OR10R2: variants seen among roughly 807,000 people sequenced by gnomAD.
OR10R2 encodes olfactory receptor 10R2.
Under a neutral mutation model 2.4 loss-of-function variants are expected in OR10R2, and 1 was observed. That is an observed-to-expected ratio of 0.41 (90% CI 0.15 to 1.95). OR10R2 has a LOEUF of 1.95. Ranked by LOEUF, OR10R2 falls within the 30% of genes most tolerant of loss-of-function variation. The pLI, the probability that OR10R2 is intolerant of heterozygous loss-of-function variation, is 0.30. For synonymous variants in OR10R2, 166 were observed against 144.8 expected (o/e 1.15, Z -1.05); for missense variants, 419 against 373.0 (o/e 1.12, Z -1.01).
chr1:158,472,703 A>G lies in OR10R2; in HGVS notation c.27+351A>G, dbSNP rs541637927. On this transcript the variant is annotated intron_variant, in intron 1 of 1. Transcript: ENST00000641067. ...TGAGATTTTCTTCAAATTGCAGTCT[A>G]CAAATACGTGACAGCAAAGGATTGG... 1.9e-4 allele frequency among the ~76,000 whole-genome samples: 29 copies of G among 152,344 alleles called. No homozygotes were observed. In the South Asian group the frequency reaches 6.0e-3, roughly 32 times the overall value.
chr1:158,476,317 G>A (rs1013321052), intron 1 of OR10R2, among the ~76,000 whole-genome samples: 2 of 151,954 alleles, frequency 1.3e-5, no homozygotes, highest in African/African-American at 4.8e-5. Context: ...GGAGTCCGAG[G>A]TGGGCAGATC....
intron 1 of OR10R2, chr1:158,474,593 G>C (rs36123399): frequency 6.6e-6 from 1 of 152,032 alleles, no homozygotes; most frequent in African/African-American, 2.4e-5. Context: ...GAAAAAGAAA[G>C]TTCATTCTCC....
exon 1 of OR10R2, chr1:158,472,268 G>C (rs1011043636): frequency 1.0e-5 from 4 of 398,742 alleles, no homozygotes; most frequent in East Asian, 3.6e-5. Flanking sequence ...CAGAAAAAAA[G>C]CTCCTTAATT....
At chr1:158,474,304 C>A (rs1488971937) in intron 1 of OR10R2, 1 of 152,120 alleles carries the variant, frequency 6.6e-6, no homozygotes, top group Non-Finnish European at 1.5e-5. Flanking sequence ...TAATCTCCTC[C>A]AATTGCCCTT....
chr1:158,473,968 TC>T (rs1656220076), intron 1 of OR10R2, among the ~76,000 whole-genome samples: 2 of 150,880 alleles, frequency 1.3e-5, no homozygotes, highest in African/African-American at 4.9e-5. Context: ...TCTTTCTTTT[TC>T]TTTTCTTTCT....
At chr1:158,480,224 G>A (rs754115170) in exon 2 of OR10R2, 1 of 1,613,960 alleles carries the variant, frequency 6.2e-7, no homozygotes, top group South Asian at 1.1e-5. Context: ...TCCTTCAACT[G>A]TTGTGCTCTT....
In OR10R2 at chr1:158,479,926, C is replaced by T. The variant is rs906660981; in HGVS notation, c.28-12C>T. The T allele has an allele frequency of 3.7e-6, 6 of 1,613,654 alleles. No individual in the cohort carries two copies. The highest frequency in any genetic ancestry group is 5.1e-6 in the Non-Finnish European group (6 of 1,179,694). On this transcript the variant is annotated splice_polypyrimidine_tract_variant and intron_variant, in intron 1 of 1. Transcript: ENST00000641067. Reference sequence around the variant, plus strand: ...ATACCTGAATATGTTTTACTTCTTTCCCCCTTTGCAGATCTTGGCAGAAAA... The same window carrying T: ...ATACCTGAATATGTTTTACTTCTTTTCCCCTTTGCAGATCTTGGCAGAAAA...
chr1:158,474,511 C>T (rs1256457083), intron 1 of OR10R2: 2 of 152,082 alleles, frequency 1.3e-5, no homozygotes, highest in Admixed American at 1.3e-4. Flanking sequence ...TCTTAAGATT[C>T]CATAGTTCTG....
intron 1 of OR10R2, among the ~76,000 whole-genome samples, chr1:158,473,091 A>T (rs111241120): frequency 1.3e-5 from 2 of 152,206 alleles, no homozygotes; most frequent in Admixed American, 1.3e-4. Flanking sequence ...AGCTTCCTTG[A>T]TCGCTTGCTG....
chr1:158,480,420 T>A (rs767878949), exon 2 of OR10R2: 2 of 1,614,066 alleles, frequency 1.2e-6, no homozygotes, highest in Non-Finnish European at 1.7e-6. Flanking sequence ...CAGTAGTAAA[T>A]TTAGTTTTCA....
chr1:158,474,183 A>G (rs1290994885), intron 1 of OR10R2, among the ~76,000 whole-genome samples: 1 of 151,580 alleles, frequency 6.6e-6, no homozygotes, highest in Non-Finnish European at 1.5e-5. Context: ...CCACCTTACC[A>G]TTTATTCTCC....
chr1:158,474,363 AC>A (rs1018257357), intron 1 of OR10R2: 3 of 152,164 alleles, frequency 2.0e-5, no homozygotes, highest in African/African-American at 7.2e-5. Flanking sequence ...AATGAAACAA[AC>A]AAAACCCTAT....
intron 1 of OR10R2, among the ~76,000 whole-genome samples, chr1:158,475,846 CAT>C (rs1398231034): frequency 4.6e-5 from 7 of 151,752 alleles, no homozygotes; most frequent in African/African-American, 1.7e-4. Context: ...ATTTTATTAA[CAT>C]ATAAATTTTG....
At chr1:158,480,402 C>T (rs61741711) in exon 2 of OR10R2, 130,643 of 1,613,914 alleles carry the variant, frequency 0.081, 5,952 homozygotes, top group Middle Eastern at 0.12. Context: ...GCTTCTTGGC[C>T]TCTCTTACAG....
At chr1:158,479,530 G>A (rs908447335) in intron 1 of OR10R2, among the ~76,000 whole-genome samples, 1 of 152,084 alleles carries the variant, frequency 6.6e-6, no homozygotes, top group Non-Finnish European at 1.5e-5. Flanking sequence ...GCTTGTTGTA[G>A]TAGGCCAAAT....
At chr1:158,479,755 T>C (rs1464730670) in intron 1 of OR10R2, 183 bp from the exon 2 acceptor site, 1 of 634,520 alleles carries the variant, frequency 1.6e-6, no homozygotes, top group African/African-American at 1.8e-5. Context: ...GTAACTTTGT[T>C]GACTTTGAAG....
At chr1:158,472,963 A>G (rs958633883) in intron 1 of OR10R2, among the ~76,000 whole-genome samples, 18 of 152,224 alleles carry the variant, frequency 1.2e-4, no homozygotes, top group African/African-American at 4.3e-4. Flanking sequence ...ATAACATCCC[A>G]TATTACAGAA....
At chr1:158,476,616 T>G (rs1020253893) in intron 1 of OR10R2, among the ~76,000 whole-genome samples, 1 of 152,076 alleles carries the variant, frequency 6.6e-6, no homozygotes, top group African/African-American at 2.4e-5. Context: ...TAATTAATGC[T>G]TCTTTAAGTA....
chr1:158,472,567 C>T (rs1400782160), intron 1 of OR10R2, among the ~76,000 whole-genome samples: 1 of 152,148 alleles, frequency 6.6e-6, no homozygotes, highest in East Asian at 1.9e-4. Flanking sequence ...GGTCTTTATT[C>T]CATAGATGGC....
Sources: allele counts gnomAD v4.1 joint callset (sites outside exome capture counted in the v4.1 genomes callset), GRCh38; gene constraint gnomAD v4.1.1; transcripts MANE v1.5; gene names NCBI Gene and HGNC (gene_info 2026-07-23, HGNC 2026-07-21).